The following EDIL3 variants were observed in gnomAD, a reference collection of about 807,000 sequenced individuals.
EDIL3 encodes the protein EGF-like repeat and discoidin I-like domain-containing protein 3.
EDIL3 carries 37 observed loss-of-function variants against 67.4 expected under a neutral mutation model. The ratio of observed to expected loss-of-function variants is 0.55; its 90% CI spans 0.42 to 0.72. The LOEUF (loss-of-function observed/expected upper bound fraction) is 0.72, where lower values mean the gene tolerates loss of function less well. Among genes scored for constraint, EDIL3 ranks in the 30% least tolerant of loss-of-function variants. The pLI is 0.00. For missense variants in EDIL3, 527 were observed against 586.3 expected (o/e 0.90, Z 1.04); for synonymous variants, 195 against 196.3 (o/e 0.99, Z 0.05).
intron 9 of EDIL3, among the ~76,000 whole-genome samples, chr5:83,980,587 C>T (rs1744953471): frequency 6.6e-6 from 1 of 150,998 alleles, no homozygotes; most frequent in Non-Finnish European, 1.5e-5. Flanking sequence ...ACTCGGGAGT[C>T]TGAGGCAGAA....
At chr5:84,059,471 G>T (rs1746504957) in intron 9 of EDIL3, among the ~76,000 whole-genome samples, 1 of 152,124 alleles carries the variant, frequency 6.6e-6, no homozygotes, top group Non-Finnish European at 1.5e-5. Flanking sequence ...AGGTAACCTG[G>T]TAAGAACAGT....
At chr5:84,211,739 G>T (rs1479991675) in intron 3 of EDIL3, among the ~76,000 whole-genome samples, 2 of 152,204 alleles carry the variant, frequency 1.3e-5, no homozygotes, top group African/African-American at 4.8e-5. Flanking sequence ...GCATGGCCTG[G>T]ATTATGCCTT....
chr5:84,281,408 T>G (rs567955227), intron 1 of EDIL3, among the ~76,000 whole-genome samples: 2 of 152,328 alleles, frequency 1.3e-5, no homozygotes, highest in East Asian at 3.9e-4. Context: ...CACATTCCCT[T>G]TCAGTAATGG....
intron 6 of EDIL3, among the ~76,000 whole-genome samples, chr5:84,072,267 T>C (rs1746753247): frequency 2.6e-5 from 4 of 152,074 alleles, no homozygotes; most frequent in Admixed American, 2.6e-4. Context: ...ATTATACATA[T>C]TGATAGATAA....
chr5:84,215,442 T>C (rs1306601952), intron 3 of EDIL3, among the ~76,000 whole-genome samples: 1 of 152,028 alleles, frequency 6.6e-6, no homozygotes, highest in East Asian at 1.9e-4. Context: ...TTAGTAGAGA[T>C]GGGGCTTCAC....
At chr5:84,170,522 T>A (rs1748795319) in intron 4 of EDIL3, among the ~76,000 whole-genome samples, 1 of 152,146 alleles carries the variant, frequency 6.6e-6, no homozygotes, top group Admixed American at 6.5e-5. Flanking sequence ...AAGCTCTCAT[T>A]AAATATTTAT....
rs1003379514 is a variant in EDIL3 at position 84,212,786 on chromosome 5, A to C, written c.226+17069T>G. 9.8e-5 allele frequency among the ~76,000 whole-genome samples: 15 copies of C among 152,300 alleles called. No homozygotes were observed. The South Asian group carries it at 1.5e-3, about 15-fold the overall frequency. ...GACCGCCCTGCCTCCTAGAGAGAAG[A>C]AGCATGGATGTGATGGGATATTAAA... On this transcript the variant is annotated intron_variant, in intron 3 of 10. Transcript: ENST00000296591.
intron 6 of EDIL3, among the ~76,000 whole-genome samples, chr5:84,067,536 T>C (rs1365478149): frequency 6.7e-6 from 1 of 150,002 alleles, no homozygotes; most frequent in Admixed American, 6.6e-5. Context: ...AAAATATAAA[T>C]TGGAAAAATT....
At chr5:84,378,658 C>T (rs1300133983) in intron 1 of EDIL3, among the ~76,000 whole-genome samples, 1 of 152,088 alleles carries the variant, frequency 6.6e-6, no homozygotes, top group Non-Finnish European at 1.5e-5. Context: ...ATTCTTTATC[C>T]TAGGTTCTCA....
rs1744253987 is a variant in EDIL3, at chr5:83,943,133, A to G, written c.*286T>C. 9.1e-6 allele frequency: 3 copies of G among 329,952 alleles called. No homozygotes were observed. The highest frequency in any genetic ancestry group is 1.7e-5 in the Non-Finnish European group (3 of 177,738). The allele number at this position is 329,952 out of a possible 1,614,324, so 20.4% of individuals were successfully genotyped here. A position where few individuals can be genotyped will look rare whatever the true frequency, so the allele number is the denominator to read the frequency against. On this transcript the variant is annotated 3_prime_UTR_variant, in exon 11 of 11. Transcript: ENST00000296591. ...AAGAAGGCTACTTTCTTTCCCTAAT[A>G]TATTTCTACCAATGCGAATAATTCA...
chr5:83,978,132 T>A (rs917430926), intron 9 of EDIL3, among the ~76,000 whole-genome samples: 1 of 151,938 alleles, frequency 6.6e-6, no homozygotes, highest in African/African-American at 2.4e-5. Context: ...AAACACACTT[T>A]ACAATGAATA....
intron 2 of EDIL3, among the ~76,000 whole-genome samples, chr5:84,251,495 T>C (rs888384381): frequency 5.9e-5 from 9 of 152,018 alleles, no homozygotes; most frequent in African/African-American, 2.2e-4. Flanking sequence ...ATATTAGTTT[T>C]AAAAATATGA....
chr5:84,105,676 G>A lies in EDIL3; in HGVS notation c.651+973C>T, dbSNP rs113706035. On this transcript the variant is annotated intron_variant, in intron 6 of 10. Coordinates refer to ENST00000296591, the MANE Select transcript of EDIL3 (RefSeq NM_005711.5). ...GCTAATACCTTTTAGTATGACTCCCGAAGCACAGCAAACTCGTACAATGAA... is the reference window on the plus strand; with the variant it reads ...GCTAATACCTTTTAGTATGACTCCCAAAGCACAGCAAACTCGTACAATGAA... Among the ~76,000 whole-genome samples, 388 of 151,976 alleles carry A rather than the reference G, an allele frequency of 2.6e-3. 3 individuals are homozygous for A. The highest frequency in any genetic ancestry group is 8.3e-3 in the African/African-American group (344 of 41,492).
chr5:84,384,168 A>G, intron 1 of EDIL3, 140 bp downstream of exon 1: 2 of 1,022,610 alleles, frequency 2.0e-6, no homozygotes, highest in Non-Finnish European at 2.9e-6. Context: ...GGCACCCAGG[A>G]CTCGACGCCT....
intron 1 of EDIL3, among the ~76,000 whole-genome samples, chr5:84,324,560 A>G (rs1358746486): frequency 6.6e-6 from 1 of 151,772 alleles, no homozygotes. Flanking sequence ...GGAAACAGTA[A>G]AGGTTATAGC....
chr5:84,351,740 A>G (rs1212508401), intron 1 of EDIL3, among the ~76,000 whole-genome samples: 3 of 152,182 alleles, frequency 2.0e-5, no homozygotes, highest in Non-Finnish European at 4.4e-5. Flanking sequence ...AAAACATTAA[A>G]TAATTTAGTA....
intron 6 of EDIL3, among the ~76,000 whole-genome samples, chr5:84,077,468 A>G (rs1475506768): frequency 2.0e-5 from 3 of 152,174 alleles, no homozygotes; most frequent in African/African-American, 7.2e-5. Flanking sequence ...ACAGTTCCAC[A>G]TGGCTGGGGA....
intron 2 of EDIL3, among the ~76,000 whole-genome samples, chr5:84,246,161 T>C (rs1045424611): frequency 1.3e-5 from 2 of 152,196 alleles, no homozygotes; most frequent in South Asian, 4.1e-4. Context: ...CCACAGCAGA[T>C]TGTAAAACTA....
rs35919017 is a variant in EDIL3, at chr5:83,944,396, CTTTTT to C, written c.1294-833_1294-829del. 6.8e-5 allele frequency among the ~76,000 whole-genome samples: 8 copies of C among 117,106 alleles called. No homozygotes were observed. The South Asian group carries it at 2.3e-3, about 33-fold the overall frequency. The allele number at this position is 117,106 out of a possible 152,430, so 76.8% of individuals were successfully genotyped here. A position where few individuals can be genotyped will look rare whatever the true frequency, so the allele number is the denominator to read the frequency against. On this transcript the variant is annotated intron_variant, in intron 10 of 10. Coordinates refer to ENST00000296591, the MANE Select transcript of EDIL3 (RefSeq NM_005711.5). ...TCTTCTTTCTTCTTTTGTAAAAATG[CTTTTT>C]TTTTTTTTTTTTTGGAGCTTTACTA...
Sources: allele counts gnomAD v4.1 joint callset (sites outside exome capture counted in the v4.1 genomes callset), GRCh38; gene constraint gnomAD v4.1.1; transcripts MANE v1.5; gene names NCBI Gene and HGNC (gene_info 2026-07-23, HGNC 2026-07-21).